Variants in OR6K6 observed in about 807,000 individuals in gnomAD.
OR6K6 encodes the protein olfactory receptor 6K6.
In OR6K6, 9 loss-of-function variants were observed where a neutral mutation model predicts 8.1. That is an observed-to-expected ratio of 1.11 (90% CI 0.67 to 1.94). The LOEUF (loss-of-function observed/expected upper bound fraction) is 1.94. OR6K6 is among the 30% of genes most tolerant of loss of function. OR6K6 has a pLI of 0.00. For missense variants in OR6K6, 400 were observed against 383.1 expected (o/e 1.04, Z -0.37); for synonymous variants, 156 against 140.3 (o/e 1.11, Z -0.79).
chr1:158,755,057 T>C (rs747896184), exon 1 of OR6K6: 1 of 1,614,090 alleles, frequency 6.2e-7, no homozygotes, highest in South Asian at 1.1e-5. Flanking sequence ...CAGGTGGGCA[T>C]GGCCCTGCAC....
exon 1 of OR6K6, chr1:158,755,368 C>T (rs756724694): frequency 9.3e-6 from 15 of 1,614,080 alleles, no homozygotes; most frequent in Non-Finnish European, 1.3e-5. Context: ...CCTCCTTGTG[C>T]TTCCTGAGAT....
In OR6K6 at chr1:158,755,004, C is replaced by T. The variant is rs57046052; in HGVS notation, c.117C>T (p.Tyr39=). The stretch of plus-strand genomic sequence containing the variant: ...TCTTTATTCCCTTGCTTCTCATCTA[C>T]GGATTTATCCTAACTGGAAACCTAA... Residue 39 remains tyrosine (Y), a synonymous_variant, in exon 1 of 1, where the codon TAC becomes TAT. Coordinates refer to ENST00000641861, the Ensembl canonical transcript of OR6K6. 3,348 of 1,614,116 alleles carry T rather than the reference C, an allele frequency of 2.1e-3. 68 individuals are homozygous for T. In the African/African-American group the frequency reaches 0.038, roughly 18 times the overall value.
chr1:158,755,261 A>G, exon 1 of OR6K6: 1 of 1,614,042 alleles, frequency 6.2e-7, no homozygotes, highest in Non-Finnish European at 8.5e-7. Flanking sequence ...ATGGCCATTG[A>G]CAGGTACATA....
exon 1 of OR6K6, chr1:158,754,797 T>G: frequency 6.4e-7 from 1 of 1,557,256 alleles, no homozygotes; most frequent in East Asian, 2.2e-5. Flanking sequence ...TCAGCTTGAG[T>G]AACTCATTAC....
exon 1 of OR6K6, chr1:158,755,582 A>G (rs572631463): frequency 6.2e-6 from 10 of 1,614,100 alleles, no homozygotes; most frequent in African/African-American, 1.3e-5. Flanking sequence ...CTGGGAATGC[A>G]CTCAGCTGAA....
chr1:158,754,760 C>T, exon 1 of OR6K6: 1 of 1,314,082 alleles, frequency 7.6e-7, no homozygotes, highest in Non-Finnish European at 1.1e-6. Flanking sequence ...AGAGATATTT[C>T]TAACTGGTTT....
rs867534326 is a variant in OR6K6, at chr1:158,755,326, C to T, written c.439C>T (p.Gln147Ter). Residue 147 changes from glutamine to a stop codon, truncating the protein, a stop_gained, in exon 1 of 1, where the codon CAG (glutamine) becomes TAG (stop). Transcript: ENST00000641861. LOFTEE classifies it high-confidence loss of function. Reference sequence around the variant, plus strand: ...CATCATGATTCCCAAACTTTGTATCCAGCTGACAGTTGGATCCTGCTTTTG... The same window carrying T: ...CATCATGATTCCCAAACTTTGTATCTAGCTGACAGTTGGATCCTGCTTTTG... 2.5e-6 allele frequency: 4 copies of T among 1,614,174 alleles called. No individual in the cohort carries two copies. The East Asian group carries it at 8.9e-5, about 36-fold the overall frequency.
At chr1:158,755,491 G>A in exon 1 of OR6K6, 7 of 1,614,144 alleles carry the variant, frequency 4.3e-6, no homozygotes, top group Non-Finnish European at 5.9e-6. Context: ...AGTGGTCATT[G>A]TGGATGCCAT....
At chr1:158,755,154 A>T (rs758489064) in exon 1 of OR6K6, 9 of 1,614,016 alleles carry the variant, frequency 5.6e-6, no homozygotes, top group Non-Finnish European at 7.6e-6. Context: ...TGTCCTGCCT[A>T]ATCAGTGAGC....
exon 1 of OR6K6, chr1:158,755,568 G>A (rs963513087): frequency 6.2e-7 from 1 of 1,614,068 alleles, no homozygotes; most frequent in Non-Finnish European, 8.5e-7. Context: ...TTATTATAGT[G>A]ATTCTGGGAA....
rs1656979744 is a variant in OR6K6, at chr1:158,755,833, TG to T, written c.949del (p.Ala317LeufsTer11). On this transcript the variant is annotated frameshift_variant, in exon 1 of 1. Coordinates refer to ENST00000641861, the Ensembl canonical transcript of OR6K6. LOFTEE classifies it high-confidence loss of function. Reference sequence around the variant, plus strand: ...TTTCCACTATCAGAAGAGGGCTGGTTGGGCTGGGAAATAGATACAGATCCTG... The same window carrying T: ...TTTCCACTATCAGAAGAGGGCTGGTTGGCTGGGAAATAGATACAGATCCTG... The T allele has an allele frequency of 1.9e-6, 3 of 1,601,864 alleles. No individual in the cohort carries two copies. In the African/African-American group the frequency reaches 4.0e-5, roughly 22 times the overall value.
rs141099279 is a variant in OR6K6, at chr1:158,755,269, A to G, written c.382A>G (p.Ile128Val). 519 of 1,614,146 alleles carry G rather than the reference A, an allele frequency of 3.2e-4. No homozygotes were observed. The highest frequency in any genetic ancestry group is 4.2e-4 in the Non-Finnish European group (499 of 1,180,020). ...GACAGCAATGGCCATTGACAGGTAC[A>G]TAGCTATCTGCAATCCACTCCGTTA... The change falls in exon 1 of 1, where the codon ATA becomes GTA. Residue 128 changes from isoleucine (I) to valine (V), a missense_variant. Physicochemically the swap from Ile to Val is conservative, Grantham distance 29. Coordinates refer to ENST00000641861, the Ensembl canonical transcript of OR6K6.
exon 1 of OR6K6, chr1:158,755,233 A>C: frequency 6.2e-7 from 1 of 1,614,094 alleles, no homozygotes; most frequent in Non-Finnish European, 8.5e-7. Context: ...TATCACAGAA[A>C]GCTGTGTCCT....
chr1:158,755,244 G>T (rs780109156), exon 1 of OR6K6: 1 of 1,614,030 alleles, frequency 6.2e-7, no homozygotes, highest in South Asian at 1.1e-5. Flanking sequence ...GCTGTGTCCT[G>T]ACAGCAATGG....
At chr1:158,754,945 A>G (rs1169250831) in exon 1 of OR6K6, 4 of 1,613,976 alleles carry the variant, frequency 2.5e-6, no homozygotes, top group African/African-American at 1.3e-5. Flanking sequence ...CCTCTTCTCT[A>G]TGTTCCCGCA....
At chr1:158,755,847 G>C in exon 1 of OR6K6, 1 of 1,590,222 alleles carries the variant, frequency 6.3e-7, no homozygotes, top group Non-Finnish European at 8.5e-7. Flanking sequence ...CTGGGAAATA[G>C]ATACAGATCC....
exon 1 of OR6K6, chr1:158,755,744 C>T (rs941898376): frequency 6.2e-7 from 1 of 1,614,078 alleles, no homozygotes; most frequent in Middle Eastern, 1.6e-4. Context: ...ATCCTTGCTC[C>T]CTTTTTCAAC....
At chr1:158,754,791 C>A in exon 1 of OR6K6, 1 of 1,530,410 alleles carries the variant, frequency 6.5e-7, no homozygotes, top group Non-Finnish European at 8.9e-7. Flanking sequence ...CCAGAATCAG[C>A]TTGAGTAACT....
exon 1 of OR6K6, chr1:158,755,831 G>C: frequency 6.2e-7 from 1 of 1,602,510 alleles, no homozygotes; most frequent in Non-Finnish European, 8.5e-7. Context: ...AAGAGGGCTG[G>C]TTGGGCTGGG....
Sources: allele counts gnomAD v4.1 joint callset, GRCh38; gene constraint gnomAD v4.1.1; transcripts MANE v1.5; gene names NCBI Gene and HGNC (gene_info 2026-07-23, HGNC 2026-07-21).